Variants in TYW1 observed in about 807,000 individuals in gnomAD.
TYW1 encodes the protein tRNA-yW synthesizing protein 1 homolog.
A neutral mutation model predicts 96.2 loss-of-function variants in TYW1; 46 were observed. The ratio of observed to expected loss-of-function variants is 0.48; its 90% confidence interval spans 0.38 to 0.61. The LOEUF is 0.61. TYW1 is among the 20% of genes least tolerant of loss of function. The pLI is 0.00. For synonymous variants in TYW1, 274 were observed against 323.0 expected (o/e 0.85, Z 1.63); for missense variants, 684 against 909.6 (o/e 0.75, Z 3.19).
intron 14 of TYW1, among the ~76,000 whole-genome samples, chr7:67,193,515 A>C (rs1391134179): frequency 2.0e-5 from 3 of 152,122 alleles, no homozygotes; most frequent in Non-Finnish European, 4.4e-5. Flanking sequence ...ATCCCAGCAC[A>C]TAGGAGGCCG....
intron 7 of TYW1, among the ~76,000 whole-genome samples, chr7:67,035,421 C>T (rs1794806300): frequency 6.6e-6 from 1 of 151,866 alleles, no homozygotes; most frequent in Admixed American, 6.6e-5. Context: ...TGGCCTGAAT[C>T]ATTTCTTTCT....
intron 13 of TYW1, among the ~76,000 whole-genome samples, chr7:67,163,229 T>C (rs1799215579): frequency 6.6e-6 from 1 of 152,202 alleles, no homozygotes; most frequent in South Asian, 2.1e-4. Context: ...TGCTCCATAC[T>C]ACTCATTTGA....
chr7:67,006,204 C>T (rs1793580502), intron 3 of TYW1, among the ~76,000 whole-genome samples: 2 of 152,084 alleles, frequency 1.3e-5, no homozygotes, highest in African/African-American at 4.8e-5. Context: ...GTCCTCGTGA[C>T]AGTGAGTTCT....
At chr7:67,042,014 A>G (rs1261493624) in intron 7 of TYW1, among the ~76,000 whole-genome samples, 1 of 143,620 alleles carries the variant, frequency 7.0e-6, no homozygotes. Context: ...GTATAATTAT[A>G]TTAGAATTAT....
At chr7:67,067,991 G>A (rs866798268) in intron 10 of TYW1, among the ~76,000 whole-genome samples, 18 of 151,544 alleles carry the variant, frequency 1.2e-4, no homozygotes, top group African/African-American at 4.4e-4. Context: ...TGGGGGCAGT[G>A]GTGCTTGCTA....
intron 15 of TYW1, among the ~76,000 whole-genome samples, chr7:67,208,170 T>A (rs1022207460): frequency 6.6e-6 from 1 of 150,924 alleles, no homozygotes; most frequent in African/African-American, 2.4e-5. Context: ...TCTACAAAAA[T>A]TAGCCAGATG....
chr7:67,053,999 T>C (rs1234821123), intron 8 of TYW1, among the ~76,000 whole-genome samples: 2 of 152,230 alleles, frequency 1.3e-5, no homozygotes, highest in Admixed American at 6.5e-5. Flanking sequence ...CTGGAAGGTT[T>C]CTAGACAGTA....
At chr7:67,139,536 A>G (rs1157484941) in intron 13 of TYW1, among the ~76,000 whole-genome samples, 1 of 152,114 alleles carries the variant, frequency 6.6e-6, no homozygotes, top group Non-Finnish European at 1.5e-5. Context: ...CCCCGTGGAT[A>G]CCAAAATCTA....
chr7:67,056,252 G>A (rs1236291972), intron 9 of TYW1, among the ~76,000 whole-genome samples: 3 of 152,088 alleles, frequency 2.0e-5, no homozygotes, highest in African/African-American at 4.8e-5. Context: ...TAGCACTTTC[G>A]GAGGCCAGGT....
At chr7:67,082,846 A>G (rs1374398291) in intron 10 of TYW1, among the ~76,000 whole-genome samples, 1 of 152,080 alleles carries the variant, frequency 6.6e-6, no homozygotes, top group East Asian at 1.9e-4. Flanking sequence ...TTGTATGGCC[A>G]TGGAGTGATG....
At chr7:67,228,825 T>C (rs190484420) in intron 15 of TYW1, among the ~76,000 whole-genome samples, 1 of 152,330 alleles carries the variant, frequency 6.6e-6, no homozygotes, top group African/African-American at 2.4e-5. Flanking sequence ...GCCAGCCGAA[T>C]GATACAAGTT....
intron 6 of TYW1, among the ~76,000 whole-genome samples, chr7:67,018,955 C>CAAA (rs776221914): frequency 2.0e-5 from 1 of 49,102 alleles, no homozygotes; most frequent in African/African-American, 8.1e-5. Context: ...GACTCAGTCT[C>CAAA]AAAAAAAAAA....
intron 13 of TYW1, among the ~76,000 whole-genome samples, chr7:67,119,848 C>G (rs1323526652): frequency 6.6e-6 from 1 of 152,098 alleles, no homozygotes; most frequent in African/African-American, 2.4e-5. Flanking sequence ...AACACAGTGG[C>G]ACCATCATAG....
At chr7:67,189,395 T>G (rs1029043727) in intron 14 of TYW1, among the ~76,000 whole-genome samples, 8 of 135,368 alleles carry the variant, frequency 5.9e-5, no homozygotes, top group African/African-American at 2.2e-4. Flanking sequence ...CATGTGTGTG[T>G]TGTGTGCGTG....
intron 13 of TYW1, among the ~76,000 whole-genome samples, chr7:67,165,057 A>G (rs900937833): frequency 2.6e-5 from 4 of 151,454 alleles, no homozygotes; most frequent in Admixed American, 6.6e-5. Context: ...GTTGGTACTG[A>G]ATTACACTCC....
chr7:67,179,842 T>C lies in TYW1; in HGVS notation c.1699-3284T>C, dbSNP rs560930212. 5.5e-4 allele frequency among the ~76,000 whole-genome samples: 71 copies of C among 129,154 alleles called. 1 individual carries two copies. Among genetic ancestry groups the C allele is most frequent in the African/African-American group, 2.1e-3 (66 of 31,384 alleles). The allele number at this position is 129,154 out of a possible 152,430, so 84.7% of individuals were successfully genotyped here. ...GCATGCTATTTCATAATTTAATCAT[T>C]AGGAATATATATATATATATATATT... On this transcript the variant is annotated intron_variant, in intron 13 of 15. Transcript: ENST00000359626.
intron 15 of TYW1, among the ~76,000 whole-genome samples, chr7:67,218,592 A>G (rs887282192): frequency 1.1e-4 from 17 of 152,176 alleles, no homozygotes; most frequent in African/African-American, 3.1e-4. Flanking sequence ...AGCTCAAGCA[A>G]TCTGCCCACC....
intron 3 of TYW1, among the ~76,000 whole-genome samples, chr7:67,002,863 T>TC: frequency 6.7e-6 from 1 of 148,506 alleles, no homozygotes; most frequent in Admixed American, 6.8e-5. Flanking sequence ...TTTCTTTTTT[T>TC]TTTTTTTTGA....
chr7:67,035,733 CAG>C (rs1293210371), intron 7 of TYW1, among the ~76,000 whole-genome samples: 2 of 152,136 alleles, frequency 1.3e-5, no homozygotes, highest in East Asian at 3.9e-4. Flanking sequence ...GGCCAGAGTA[CAG>C]TGGCGCCATC....
Sources: gnomAD v4.1 joint callset for allele counts (sites outside exome capture counted in the v4.1 genomes callset) on GRCh38, gnomAD v4.1.1 for gene constraint, MANE v1.5 for transcripts, NCBI Gene and HGNC (gene_info 2026-07-23, HGNC 2026-07-21) for gene names.